IGSF9: variants seen among roughly 807,000 people sequenced by gnomAD.
The protein encoded by IGSF9 is protein turtle homolog A.
A neutral mutation model predicts 121.7 loss-of-function variants in IGSF9; 87 were observed. The observed-to-expected ratio is 0.71, with a 90% CI of 0.60 to 0.85. IGSF9 has a LOEUF of 0.85. Among genes scored for constraint, IGSF9 ranks in the 40% least tolerant of loss-of-function variants. The probability of loss-of-function intolerance (pLI) is 0.00; values close to 1 mark genes in which losing one functional copy is unlikely to be tolerated. For missense variants in IGSF9, 1,462 were observed against 1,565.3 expected (o/e 0.93, Z 1.11); for synonymous variants, 640 against 648.4 (o/e 0.99, Z 0.20).
intron 3 of IGSF9, among the ~76,000 whole-genome samples, chr1:159,940,653 G>A (rs1268525579): frequency 6.6e-6 from 1 of 152,226 alleles, no homozygotes; most frequent in Non-Finnish European, 1.5e-5. Flanking sequence ...GCACTATGAA[G>A]CAAGAGGAGT....
intron 16 of IGSF9, 28 bp from the exon 17 acceptor site, chr1:159,929,842 AG>A: frequency 6.3e-7 from 1 of 1,594,516 alleles, no homozygotes. Context: ...AGGGAGGGTC[AG>A]TGGACTCGGA....
rs2297862 is a variant in IGSF9 at position 159,943,493 on chromosome 1, A to G, written c.-39T>C. 132 of 1,506,812 alleles carry G rather than the reference A, an allele frequency of 8.8e-5. No individual in the cohort carries two copies. The East Asian group carries it at 3.1e-3, about 36-fold the overall frequency. 93.3% of individuals were successfully genotyped at this position (1,506,812 alleles called of 1,614,324 possible). On this transcript the variant is annotated 5_prime_UTR_variant, in exon 2 of 21. Coordinates refer to ENST00000368094, the MANE Select transcript of IGSF9 (RefSeq NM_001135050.2). ...TGCTCACCCAGCCCCTCCTATCCAC[A>G]GGAGCCCAGATGGAGGGGCCAAGGG...
Position 159,930,736 on chromosome 1 carries a change from A to T in IGSF9, c.1769T>A (p.Leu590Gln). 1 of 1,614,150 alleles carries T rather than the reference A, an allele frequency of 6.2e-7. No individual in the cohort carries two copies. Among genetic ancestry groups the T allele is most frequent in the Non-Finnish European group, 8.5e-7 (1 of 1,180,012 alleles). ...GATTTCGCTGAAGGGACCACTCCCC[A>T]GCTTGTTCTGAGCTAGCACGCTGAA... ...YQFSVLAQNK[L>Q]GSGPFSEIVL... is the part of the protein sequence containing the mutation. The change falls in exon 14 of 21, where the codon CTG becomes CAG. Residue 590 changes from leucine (L) to glutamine (Q), a missense_variant. Leu to Gln is a moderately radical substitution (Grantham distance 113). Around this residue, in one of 3 missense-constraint regions of IGSF9, gnomAD observed 808 missense variants for 815.2 expected, o/e 0.99. Coordinates refer to ENST00000368094, the MANE Select transcript of IGSF9 (RefSeq NM_001135050.2).
Position 159,932,720 on chromosome 1 carries a change from A to AAG in IGSF9, c.1105-70_1105-69dup. Reference sequence around the variant, plus strand: ...AGAGACAAGCCCGGGATGGCAGTACAAGAGAGGGGGCAGGATGAGAAACCC... The same window carrying AAG: ...AGAGACAAGCCCGGGATGGCAGTACAAGAGAGAGGGGGCAGGATGAGAAACCC... On this transcript the variant is annotated intron_variant, in intron 9 of 20. Coordinates refer to ENST00000368094, the MANE Select transcript of IGSF9 (RefSeq NM_001135050.2). This position sits in a 1 kb window ranked among gnomAD's most constrained non-coding sequence, Gnocchi z 4.1. 3 of 1,504,108 alleles carry AAG rather than the reference A, an allele frequency of 2.0e-6. No individual in the cohort carries two copies. Among genetic ancestry groups the AAG allele is most frequent in the Non-Finnish European group, 2.7e-6 (3 of 1,108,912 alleles). 93.2% of individuals were successfully genotyped at this position (1,504,108 alleles called of 1,614,324 possible). A position where few individuals can be genotyped will look rare whatever the true frequency, so the allele number is the denominator to read the frequency against.
Position 159,931,849 on chromosome 1 carries a change from G to A in IGSF9, c.1325C>T (p.Ala442Val), listed in dbSNP as rs1571213957. Residue 442 changes from alanine to valine, a missense_variant, in exon 11 of 21, where the codon GCC becomes GTC. By Grantham distance (64) the Ala-to-Val change is moderately conservative (BLOSUM62 0). Around this residue, in one of 3 missense-constraint regions of IGSF9, gnomAD observed 558 missense variants for 599.4 expected, o/e 0.93. Transcript: ENST00000368094. This position sits in a 1 kb window ranked among gnomAD's most constrained non-coding sequence, Gnocchi z 4.8. ...GACAACAGGAGGAGGGTCCCCTTGG[G>A]CGGAGCAGGGGATGAGCAGCTCCCG... ...VGRELLIPCS[A>V]QGDPPPVVSW... is the part of the protein sequence containing the mutation. 3.8e-6 allele frequency: 6 copies of A among 1,593,432 alleles called. No individual in the cohort carries two copies. The highest frequency in any genetic ancestry group is 4.3e-6 in the Non-Finnish European group (5 of 1,172,350).
At chr1:159,928,009 C>T in intron 19 of IGSF9, 122 bp from the exon 20 acceptor site, 1 of 1,489,500 alleles carries the variant, frequency 6.7e-7, no homozygotes, top group Non-Finnish European at 9.1e-7. Context: ...TGAAAAATCC[C>T]TGGACCTCAG....
rs755268973 is a variant in IGSF9, at chr1:159,930,384, G to A, written c.1869C>T (p.Pro623=). ...PGLPPTEIPP[P]LSPPRGLVAV... is the part of the protein sequence containing the mutation. ...CCACCAGACCCCGCGGAGGGGACAG[G>A]GGAGGCGGTATCTCTGTTGGGGGAA... is the stretch of plus-strand genomic sequence containing the variant. The change falls in exon 15 of 21, where the codon CCC becomes CCT. Residue 623 remains proline, a synonymous_variant. Transcript: ENST00000368094. 1.8e-5 allele frequency: 28 copies of A among 1,580,840 alleles called. No homozygotes were observed. The highest frequency in any genetic ancestry group is 2.3e-5 in the South Asian group (2 of 86,902).
intron 3 of IGSF9, among the ~76,000 whole-genome samples, 199 bp downstream of exon 3, chr1:159,942,764 G>A (rs1259972336): frequency 1.3e-5 from 2 of 152,086 alleles, no homozygotes. Context: ...GTGTGTGTGT[G>A]TGTGTAAATG....
chr1:159,927,093 CACACAGAGAGAGAG>C lies in IGSF9; in HGVS notation c.*238_*251del, dbSNP rs1040595034. On this transcript the variant is annotated 3_prime_UTR_variant, in exon 21 of 21. Transcript: ENST00000368094. Reference sequence around the variant, plus strand: ...AAAAAACTTCACACACACACACACACACACAGAGAGAGAGAGAGAGAGAGAGAGAGAGAGAGAGG... The same window carrying C: ...AAAAAACTTCACACACACACACACACAGAGAGAGAGAGAGAGAGAGAGAGG... The C allele has an allele frequency of 6.0e-5, 32 of 535,874 alleles. No individual in the cohort carries two copies. The highest frequency in any genetic ancestry group is 8.9e-5 in the Non-Finnish European group (27 of 303,990). 33.2% of individuals were successfully genotyped at this position (535,874 alleles called of 1,614,324 possible).
chr1:159,927,366 G>A lies in IGSF9; in HGVS notation c.3519C>T (p.Pro1173=), dbSNP rs748504173. The part of the protein sequence containing the change: ...LPAYRQPVPH[P]EQATLL ...ATGTTCACAGCAGAGTGGCCTGTTC[G>A]GGGTGGGGGACTGGCTGTCGATAGG... The change falls in exon 21 of 21, where the codon CCC becomes CCT. Residue 1173 remains proline, a synonymous_variant. Transcript: ENST00000368094. 17 of 1,613,702 alleles carry A rather than the reference G, an allele frequency of 1.1e-5. No homozygotes were observed. Among genetic ancestry groups the A allele is most frequent in the Admixed American group, 5.0e-5 (3 of 60,014 alleles).
chr1:159,938,352 A>C (rs1320185524), intron 3 of IGSF9, among the ~76,000 whole-genome samples: 1 of 152,190 alleles, frequency 6.6e-6, no homozygotes, highest in African/African-American at 2.4e-5. Flanking sequence ...TATTATCAGC[A>C]GCCTAAGCGC....
intron 3 of IGSF9, 137 bp from the exon 4 acceptor site, chr1:159,937,975 C>T (rs558759851): frequency 6.0e-5 from 56 of 938,624 alleles, no homozygotes; most frequent in Middle Eastern, 3.4e-4. Flanking sequence ...TCCAGAGAGA[C>T]GCAGATGAGG....
rs200431034 is a variant in IGSF9, at chr1:159,929,631, G to T, written c.2326+7C>A. 18 of 1,592,370 alleles carry T rather than the reference G, an allele frequency of 1.1e-5. No homozygotes were observed. In the East Asian group the frequency reaches 4.1e-4, roughly 36 times the overall value. On this transcript the variant is annotated splice_region_variant and intron_variant, in intron 17 of 20. Coordinates refer to ENST00000368094, the MANE Select transcript of IGSF9 (RefSeq NM_001135050.2). ...GCAGTAGCAGGGCTGAGGGTGGAGG[G>T]ACTTACCTTGGCGGAGGCGCTTGCG...
intron 4 of IGSF9, 150 bp downstream of exon 4, chr1:159,937,536 T>G: frequency 2.6e-6 from 2 of 774,160 alleles, no homozygotes; most frequent in Non-Finnish European, 4.2e-6. Context: ...AACTACTAAG[T>G]GAGCAAACAA....
chr1:159,930,795 TAGG>T lies in IGSF9; in HGVS notation c.1707_1709del (p.Leu570del). On this transcript the variant is annotated inframe_deletion, in exon 14 of 21. Transcript: ENST00000368094. Reference sequence around the variant, plus strand: ...GGGTGTGGGGCTGCAGCCCTGGCACTAGGAGGTGAGCAGCCCCCACAGGCACTG... The same window carrying T: ...GGGTGTGGGGCTGCAGCCCTGGCACTAGGTGAGCAGCCCCCACAGGCACTG... 6.2e-7 allele frequency: 1 copy of T among 1,614,052 alleles called. No individual in the cohort carries two copies. The highest frequency in any genetic ancestry group is 8.5e-7 in the Non-Finnish European group (1 of 1,179,956).
chr1:159,943,339 AC>A (rs779342026), intron 2 of IGSF9, 57 bp downstream of exon 2: 534 of 1,448,722 alleles, frequency 3.7e-4, no homozygotes, highest in Non-Finnish European at 4.6e-4. Context: ...CTTGAGGAAC[AC>A]CCCCATACCC....
rs375786111 is a variant in IGSF9 at position 159,930,443 on chromosome 1, C to A, written c.1814-4G>T. 6.5e-7 allele frequency: 1 copy of A among 1,529,726 alleles called. No homozygotes were observed. Among genetic ancestry groups the A allele is most frequent in the Non-Finnish European group, 8.8e-7 (1 of 1,140,596 alleles). 94.8% of individuals were successfully genotyped at this position (1,529,726 alleles called of 1,614,324 possible). On this transcript the variant is annotated splice_polypyrimidine_tract_variant and splice_region_variant and intron_variant, in intron 14 of 20. Transcript: ENST00000368094. ...GCAGCTGGCGTGGTAGGAAGCCCTGCGTGGGACAGAAAGGCAGGTCAGAGC... is the reference window on the plus strand; with the variant it reads ...GCAGCTGGCGTGGTAGGAAGCCCTGAGTGGGACAGAAAGGCAGGTCAGAGC...
chr1:159,937,602 C>G, intron 4 of IGSF9, 84 bp downstream of exon 4: 1 of 1,471,708 alleles, frequency 6.8e-7, no homozygotes, highest in Non-Finnish European at 9.4e-7. Flanking sequence ...AATAGAACTC[C>G]CTCTTCCCCT....
Position 159,930,240 on chromosome 1 carries a change from G to A in IGSF9, c.2013C>T (p.Asp671=), listed in dbSNP as rs1650941341. ...CTGTTTCTGTGCCTGCCACAGCCGG[G>A]TCCAGCACCTCCCAGCCCTGGGAGC... ...RQGSQGWEVL[D]PAVAGTETEL... is the part of the protein sequence containing the mutation. The change falls in exon 15 of 21, where the codon GAC becomes GAT. Residue 671 remains aspartate, a synonymous_variant. Coordinates refer to ENST00000368094, the MANE Select transcript of IGSF9 (RefSeq NM_001135050.2). The A allele has an allele frequency of 6.2e-7, 1 of 1,613,374 alleles. No homozygotes were observed. Among genetic ancestry groups the A allele is most frequent in the African/African-American group, 1.3e-5 (1 of 74,816 alleles).
Sources: gnomAD v4.1 joint callset for allele counts (sites outside exome capture counted in the v4.1 genomes callset) on GRCh38, gnomAD v4.1.1 for gene constraint, gnomAD v4.1.1 regional missense constraint, Gnocchi (gnomAD v3.1) non-coding constraint, MANE v1.5 for transcripts, NCBI Gene and HGNC (gene_info 2026-07-23, HGNC 2026-07-21) for gene names.